Variants in DAB1 observed in about 807,000 individuals in gnomAD.
The protein encoded by DAB1 is disabled homolog 1.
DAB1 carries 15 observed loss-of-function variants against 64.6 expected under a neutral mutation model. That is an observed-to-expected ratio of 0.23 (90% CI 0.16 to 0.36). The LOEUF (loss-of-function observed/expected upper bound fraction) is 0.36. DAB1 is among the 10% of genes least tolerant of loss of function. The pLI is 1.00. For synonymous variants in DAB1, 235 were observed against 251.9 expected, an observed-to-expected ratio of 0.93 and a Z score of 0.64; for missense variants, 596 against 706.7, an observed-to-expected ratio of 0.84 and a Z score of 1.78.
intron 5 of DAB1, among the ~76,000 whole-genome samples, chr1:58,050,764 C>T (rs1647593305): frequency 6.6e-6 from 1 of 152,086 alleles, no homozygotes; most frequent in Non-Finnish European, 1.5e-5. Flanking sequence ...CTCCTAATCT[C>T]GTGATCCGCC....
chr1:57,858,888 A>G (rs1044838055), intron 1 of DAB1, among the ~76,000 whole-genome samples: 3 of 151,692 alleles, frequency 2.0e-5, no homozygotes, highest in Admixed American at 2.0e-4. Context: ...GCAACTCTTA[A>G]GGGAAATCCC....
At chr1:58,208,407 A>G (rs139989394) in intron 4 of DAB1, among the ~76,000 whole-genome samples, 32 of 152,242 alleles carry the variant, frequency 2.1e-4, no homozygotes, top group African/African-American at 7.5e-4. Context: ...AGCAGTGTAC[A>G]CTGTACTCAA....
intron 13 of DAB1, 55 bp from the exon 14 acceptor site, chr1:57,010,845 T>G: frequency 7.7e-7 from 1 of 1,293,118 alleles, no homozygotes; most frequent in Non-Finnish European, 1.1e-6. Context: ...GCATTGAAAA[T>G]ATAAGACACC....
chr1:58,254,527 A>C (rs12755520), intron 4 of DAB1, among the ~76,000 whole-genome samples: 1 of 102,574 alleles, frequency 9.7e-6, no homozygotes, highest in Non-Finnish European at 1.9e-5. Context: ...ATATCTCCCA[A>C]TGCTATCCCT....
chr1:58,079,211 T>C (rs1249296554), intron 5 of DAB1, among the ~76,000 whole-genome samples: 1 of 152,182 alleles, frequency 6.6e-6, no homozygotes, highest in East Asian at 1.9e-4. Flanking sequence ...GCAGGTCTCA[T>C]GGCCCACTAT....
chr1:58,125,937 T>A (rs1414877823), intron 5 of DAB1, among the ~76,000 whole-genome samples: 1 of 151,970 alleles, frequency 6.6e-6, no homozygotes, highest in East Asian at 1.9e-4. Context: ...CTAAAATCTC[T>A]ATGACAGGCC....
chr1:57,524,085 C>T lies in DAB1; in HGVS notation n.625+125507G>A, dbSNP rs1190840303. Among the ~76,000 whole-genome samples the T allele has an allele frequency of 2.0e-5, 3 of 151,458 alleles. No individual in the cohort carries two copies. In the East Asian group the frequency reaches 5.8e-4, roughly 29 times the overall value. Reference sequence around the variant, plus strand: ...AGAAACACCAAAGGCAAAGGAATGGCAAGAGGAGAGAAAAGATTTTAAATT... The same window carrying T: ...AGAAACACCAAAGGCAAAGGAATGGTAAGAGGAGAGAAAAGATTTTAAATT... On this transcript the variant is annotated intron_variant and non_coding_transcript_variant, in intron 7 of 20. Coordinates refer to the DAB1 transcript ENST00000485760.
At chr1:58,338,518 A>G (rs935912902) in intron 4 of DAB1, among the ~76,000 whole-genome samples, 1 of 152,232 alleles carries the variant, frequency 6.6e-6, no homozygotes, top group African/African-American at 2.4e-5. Context: ...GATTTCACTA[A>G]GTAATTTAAG....
intron 5 of DAB1, among the ~76,000 whole-genome samples, chr1:58,025,774 T>A (rs1646886410): frequency 6.6e-6 from 1 of 150,746 alleles, no homozygotes; most frequent in Admixed American, 6.6e-5. Flanking sequence ...CCCTGTTAAC[T>A]ATCAATAAAA....
At chr1:57,794,714 AT>A (rs1650759025) in intron 6 of DAB1, among the ~76,000 whole-genome samples, 1 of 152,232 alleles carries the variant, frequency 6.6e-6, no homozygotes, top group Non-Finnish European at 1.5e-5. Context: ...AATAGTGACC[AT>A]ACTTTATTTA....
intron 5 of DAB1, among the ~76,000 whole-genome samples, chr1:58,121,340 T>C (rs1172398863): frequency 2.6e-5 from 4 of 152,094 alleles, no homozygotes; most frequent in Non-Finnish European, 5.9e-5. Context: ...TTTTCAGACC[T>C]CATTTCCTAC....
intron 7 of DAB1, among the ~76,000 whole-genome samples, chr1:57,539,104 A>C (rs1644765391): frequency 6.6e-6 from 1 of 152,194 alleles, no homozygotes; most frequent in Non-Finnish European, 1.5e-5. Context: ...GGGATGCTTC[A>C]GTTTTCTTAG....
At chr1:57,756,686 AT>A (rs1487928093) in intron 6 of DAB1, among the ~76,000 whole-genome samples, 3 of 151,602 alleles carry the variant, frequency 2.0e-5, no homozygotes, top group Admixed American at 2.0e-4. Context: ...AAAAAAAAAA[AT>A]GATAACAGCT....
At chr1:57,069,516 G>C in intron 7 of DAB1, 91 bp from the exon 8 acceptor site, 1 of 1,044,866 alleles carries the variant, frequency 9.6e-7, no homozygotes, top group East Asian at 2.4e-5. Context: ...AAATCACAGC[G>C]AGCATTAACG....
At chr1:57,466,106 A>G (rs1221708094) in intron 7 of DAB1, among the ~76,000 whole-genome samples, 2 of 152,218 alleles carry the variant, frequency 1.3e-5, no homozygotes, top group Non-Finnish European at 2.9e-5. Flanking sequence ...TGATTGCATT[A>G]CCAACTTTCA....
Position 57,597,509 on chromosome 1 carries a change from T to C in DAB1, n.625+52083A>G, listed in dbSNP as rs142856505. ...CACATTTCTAAACTATGGTGCCTAA[T>C]GGTACCATCTTAAGATTCTCTGGGC... On this transcript the variant is annotated intron_variant and non_coding_transcript_variant, in intron 7 of 20. Transcript: ENST00000485760. Among the ~76,000 whole-genome samples, 447 of 152,342 alleles carry C rather than the reference T, an allele frequency of 2.9e-3. 2 individuals are homozygous for C. Among genetic ancestry groups the C allele is most frequent in the African/African-American group, 0.01 (424 of 41,572 alleles).
At chr1:57,305,813 CA>C (rs1390245082) in intron 1 of DAB1, among the ~76,000 whole-genome samples, 1 of 151,626 alleles carries the variant, frequency 6.6e-6, no homozygotes, top group African/African-American at 2.4e-5. Flanking sequence ...ACTAAAAATA[CA>C]AAAAATTAGC....
intron 6 of DAB1, among the ~76,000 whole-genome samples, chr1:57,773,927 C>T (rs868547643): frequency 8.6e-5 from 13 of 151,928 alleles, no homozygotes; most frequent in South Asian, 2.1e-4. Flanking sequence ...AATAAGGTAT[C>T]GTAAGTCCTC....
chr1:57,677,542 G>C (rs72910565), intron 6 of DAB1, among the ~76,000 whole-genome samples: 3,182 of 152,274 alleles, frequency 0.021, 117 homozygotes, highest in African/African-American at 0.072. Context: ...ACAACACTAT[G>C]TGCACACCTT....
Sources: gnomAD v4.1 joint callset for allele counts (sites outside exome capture counted in the v4.1 genomes callset) on GRCh38, gnomAD v4.1.1 for gene constraint, MANE v1.5 for transcripts, NCBI Gene and HGNC (gene_info 2026-07-23, HGNC 2026-07-21) for gene names.